HK2: variants seen among roughly 807,000 people sequenced by gnomAD.
The protein encoded by HK2 is hexokinase 2, also known as hexokinase-2.
HK2 carries 42 observed loss-of-function variants against 92.9 expected under a neutral mutation model. That is an observed-to-expected ratio of 0.45 (90% CI 0.35 to 0.58). The LOEUF (loss-of-function observed/expected upper bound fraction) is 0.58. Among genes scored for constraint, HK2 ranks in the 20% least tolerant of loss-of-function variants. The pLI, the probability that HK2 is intolerant of heterozygous loss-of-function variation, is 0.00. For missense variants in HK2, 978 were observed against 1,245.1 expected, an observed-to-expected ratio of 0.79 and a Z score of 3.23; for synonymous variants, 422 against 468.0, an observed-to-expected ratio of 0.90 and a Z score of 1.27.
At chr2:74,868,097 G>A (rs373362127) in intron 3 of HK2, among the ~76,000 whole-genome samples, 2 of 152,120 alleles carry the variant, frequency 1.3e-5, no homozygotes, top group South Asian at 2.1e-4. Context: ...ATTCGTGGTC[G>A]GCTGTTCCCT....
chr2:74,883,275 G>A (rs1413005621), intron 12 of HK2, among the ~76,000 whole-genome samples: 3 of 152,222 alleles, frequency 2.0e-5, no homozygotes, highest in African/African-American at 7.2e-5. Context: ...AGCAAGCTCA[G>A]AAAAGGAAGA....
intron 2 of HK2, among the ~76,000 whole-genome samples, chr2:74,866,751 G>A (rs1000752612): frequency 8.6e-5 from 13 of 152,042 alleles, no homozygotes; most frequent in Non-Finnish European, 1.8e-4. Flanking sequence ...GACTCTTGTC[G>A]TACATACATG....
intron 2 of HK2, among the ~76,000 whole-genome samples, chr2:74,866,743 C>T (rs1409058163): frequency 4.6e-5 from 7 of 152,140 alleles, no homozygotes; most frequent in African/African-American, 1.7e-4. Flanking sequence ...AGTGGCCTGA[C>T]TCTTGTCGTA....
chr2:74,889,886 A>G (rs1689634623), intron 17 of HK2, among the ~76,000 whole-genome samples: 1 of 152,244 alleles, frequency 6.6e-6, no homozygotes, highest in African/African-American at 2.4e-5. Flanking sequence ...TTTGAGACGC[A>G]TCCGCATTGA....
In HK2 at chr2:74,836,504, T is replaced by C. The variant is rs566921327; in HGVS notation, c.63+1861T>C. On this transcript the variant is annotated intron_variant, in intron 1 of 17. Coordinates refer to ENST00000290573, the MANE Select transcript of HK2 (RefSeq NM_000189.5). ...AATAATAACAGTAGGCTTGTCCACT[T>C]TATGGAGTTGCGATTATTAAGCGCT... Among the ~76,000 whole-genome samples the C allele has an allele frequency of 5.9e-5, 9 of 152,348 alleles. No homozygotes were observed. In the South Asian group the frequency reaches 1.5e-3, roughly 25 times the overall value.
intron 1 of HK2, among the ~76,000 whole-genome samples, chr2:74,851,338 C>T (rs1329348905): frequency 1.3e-5 from 2 of 152,230 alleles, no homozygotes; most frequent in African/African-American, 4.8e-5. Flanking sequence ...CTGTAACCAT[C>T]ACCCCATTAC....
chr2:74,877,434 G>A (rs955164292), intron 8 of HK2, 113 bp downstream of exon 8: 5 of 1,224,228 alleles, frequency 4.1e-6, no homozygotes, highest in Non-Finnish European at 6.0e-6. Flanking sequence ...GACTGCAAGA[G>A]GGTCTCACAT....
intron 1 of HK2, among the ~76,000 whole-genome samples, chr2:74,853,777 C>T (rs113030108): frequency 1.3e-5 from 2 of 151,890 alleles, no homozygotes; most frequent in African/African-American, 2.4e-5. Context: ...GAGCTTTGTT[C>T]CAATGGAAAG....
intron 2 of HK2, among the ~76,000 whole-genome samples, chr2:74,861,860 T>C (rs941943300): frequency 6.6e-6 from 1 of 152,232 alleles, no homozygotes; most frequent in Non-Finnish European, 1.5e-5. Context: ...ACCCTTGTCT[T>C]GGCAAGATCG....
chr2:74,884,668 T>G (rs1689477909), intron 12 of HK2, among the ~76,000 whole-genome samples: 1 of 152,156 alleles, frequency 6.6e-6, no homozygotes, highest in South Asian at 2.1e-4. Flanking sequence ...GGAGAAATCA[T>G]GCAAGTGGGT....
intron 2 of HK2, among the ~76,000 whole-genome samples, chr2:74,867,281 C>A (rs950730337): frequency 5.3e-5 from 8 of 152,020 alleles, no homozygotes; most frequent in Non-Finnish European, 1.2e-4. Context: ...GAATGGAAAA[C>A]CAAACATCAT....
intron 8 of HK2, 50 bp downstream of exon 8, chr2:74,877,371 A>AATGAGGAGGGGG: frequency 5.6e-6 from 9 of 1,605,834 alleles, no homozygotes; most frequent in Non-Finnish European, 7.7e-6. Context: ...ACACGAGTTG[A>AATGAGGAGGGGG]CGGGTAGTTG....
chr2:74,851,326 C>T (rs890305951), intron 1 of HK2, among the ~76,000 whole-genome samples: 2 of 152,290 alleles, frequency 1.3e-5, no homozygotes, highest in East Asian at 1.9e-4. Flanking sequence ...AATGCTTAGC[C>T]GCTGTAACCA....
At chr2:74,880,633 G>A (rs953127685) in intron 10 of HK2, 64 bp downstream of exon 10, 5 of 1,512,006 alleles carry the variant, frequency 3.3e-6, no homozygotes, top group Admixed American at 1.8e-5. Context: ...GATACCCTGG[G>A]AGGGATCCCT....
chr2:74,863,596 A>C (rs1177967455), intron 2 of HK2, among the ~76,000 whole-genome samples: 1 of 152,202 alleles, frequency 6.6e-6, no homozygotes, highest in Non-Finnish European at 1.5e-5. Flanking sequence ...GTGTCTTGCT[A>C]CATTACCTGC....
rs746680453 is a variant in HK2 at position 74,881,817 on chromosome 2, C to G, written c.1677C>G (p.Ile559Met). ...KWGGVEMHNKIYAIPQEVMHG... is the reference protein window; with the variant it reads ...KWGGVEMHNKMYAIPQEVMHG... ...GTGGAGTGGAGATGCACAACAAGAT[C>G]TACGCCATCCCGCAGGAGGTCATGC... The change falls in exon 11 of 18, where the codon ATC (isoleucine) becomes ATG (methionine). Residue 559 changes from isoleucine (I) to methionine (M), a missense_variant. Physicochemically the swap from Ile to Met is conservative, Grantham distance 10 (BLOSUM62 1). This residue lies in a region of HK2 where 742 missense variants were observed against 922.5 expected (regional missense o/e 0.80). Transcript: ENST00000290573. The G allele has an allele frequency of 2.5e-6, 4 of 1,614,208 alleles. No homozygotes were observed. Among genetic ancestry groups the G allele is most frequent in the Non-Finnish European group, 2.5e-6 (3 of 1,180,042 alleles).
At chr2:74,885,394 C>T (rs1689497703) in intron 12 of HK2, 100 bp from the exon 13 acceptor site, 1 of 803,820 alleles carries the variant, frequency 1.2e-6, no homozygotes, top group Admixed American at 1.8e-5. Context: ...GGGGATCCGT[C>T]TGACCTGTGA....
chr2:74,872,234 G>T, intron 3 of HK2, 66 bp from the exon 4 acceptor site: 2 of 1,567,766 alleles, frequency 1.3e-6, no homozygotes, highest in Non-Finnish European at 8.8e-7. Context: ...TGAGCCTGAA[G>T]TGCATGCCCT....
At chr2:74,877,097 C>G (rs1689251838) in intron 7 of HK2, 69 bp from the exon 8 acceptor site, 1 of 1,601,644 alleles carries the variant, frequency 6.2e-7, no homozygotes, top group Non-Finnish European at 8.5e-7. Context: ...GCGCATCTTG[C>G]TTCAACAGGG....
Sources: gnomAD v4.1 joint callset for allele counts (sites outside exome capture counted in the v4.1 genomes callset) on GRCh38, gnomAD v4.1.1 for gene constraint, gnomAD v4.1.1 regional missense constraint, MANE v1.5 for transcripts, NCBI Gene and HGNC (gene_info 2026-07-23, HGNC 2026-07-21) for gene names.